The following DNAH1 variants were observed in gnomAD, a reference collection of about 807,000 sequenced individuals.
DNAH1 encodes dynein axonemal heavy chain 1, also known as axonemal beta dynein heavy chain 1.
In DNAH1, 327 loss-of-function variants were observed where a neutral mutation model predicts 484.3. The observed-to-expected ratio is 0.68, with a 90% CI of 0.62 to 0.74. The LOEUF is 0.74. Ranked by LOEUF, DNAH1 falls within the 30% of genes least tolerant of loss-of-function variation. The pLI, the probability that DNAH1 is intolerant of heterozygous loss-of-function variation, is 0.00. For missense variants in DNAH1, 5,052 were observed against 5,546.8 expected (o/e 0.91, Z 2.83); for synonymous variants, 2,192 against 2,191.9 (o/e 1.00, Z 0.00).
chr3:52,372,143 A>G, intron 42 of DNAH1, 57 bp downstream of exon 42: 1 of 1,609,916 alleles, frequency 6.2e-7, no homozygotes, highest in Non-Finnish European at 8.5e-7. Context: ...TTGGGGGTTG[A>G]CCAGCCTCCC....
chr3:52,364,507 C>A lies in DNAH1; in HGVS notation c.5245-131C>A, dbSNP rs952845439. On this transcript the variant is annotated intron_variant, in intron 32 of 77. Coordinates refer to ENST00000420323, the MANE Select transcript of DNAH1 (RefSeq NM_015512.5). The surrounding 1 kb of genome is among the most constrained non-coding windows in gnomAD (Gnocchi z 4.2). ...AGGCTGGGCATGTAGGTGGTCCCAG[C>A]AGGTCTGCAAGGGAAGTGCTATGAG... The A allele has an allele frequency of 2.9e-6, 3 of 1,017,548 alleles. No individual in the cohort carries two copies. Among genetic ancestry groups the A allele is most frequent in the Admixed American group, 3.9e-5 (2 of 51,736 alleles). 63.0% of individuals were successfully genotyped at this position (1,017,548 alleles called of 1,614,324 possible).
chr3:52,360,243 C>T, intron 27 of DNAH1, 68 bp from the exon 28 acceptor site: 6 of 1,528,500 alleles, frequency 3.9e-6, no homozygotes, highest in Admixed American at 3.5e-5. Flanking sequence ...ACCCTCTCTC[C>T]TTGACTATAT....
intron 6 of DNAH1, among the ~76,000 whole-genome samples, chr3:52,329,806 C>T (rs960473756): frequency 6.7e-6 from 1 of 148,246 alleles, no homozygotes; most frequent in Non-Finnish European, 1.5e-5. Flanking sequence ...GCCTGGGCAA[C>T]AGAGTGAGAC....
chr3:52,324,607 C>G (rs980722643), intron 3 of DNAH1, among the ~76,000 whole-genome samples: 1 of 152,102 alleles, frequency 6.6e-6, no homozygotes, highest in East Asian at 1.9e-4. Flanking sequence ...CTTCCTGCCG[C>G]TGTCCACACC....
In DNAH1 at chr3:52,396,543, G is replaced by A; in HGVS notation, c.11430+5G>A. 1.9e-6 allele frequency: 3 copies of A among 1,612,816 alleles called. No individual in the cohort carries two copies. The highest frequency in any genetic ancestry group is 1.7e-4 in the Middle Eastern group (1 of 6,060). Reference sequence around the variant, plus strand: ...TTCCTCAACTCCTGCCACAAGGTGAGGCACACTTGGTGCAGGCCTACCCTA... The same window carrying A: ...TTCCTCAACTCCTGCCACAAGGTGAAGCACACTTGGTGCAGGCCTACCCTA... On this transcript the variant is annotated splice_donor_5th_base_variant and intron_variant, in intron 71 of 77. Coordinates refer to ENST00000420323, the MANE Select transcript of DNAH1 (RefSeq NM_015512.5).
intron 75 of DNAH1, among the ~76,000 whole-genome samples, 192 bp downstream of exon 75, chr3:52,398,354 T>C (rs1704734012): frequency 1.3e-5 from 2 of 152,194 alleles, no homozygotes; most frequent in South Asian, 4.1e-4. Context: ...TGATCTCAGC[T>C]CACTGCAACC....
Position 52,352,706 on chromosome 3 carries a change from A to G in DNAH1, c.3026A>G (p.Asn1009Ser), listed in dbSNP as rs767567577. ...RERIFSLPITNYDKLSRMVKE... is the reference protein window; with the variant it reads ...RERIFSLPITSYDKLSRMVKE... ...CGCATCTTCAGCTTGCCCATCACCA[A>G]TGTAGGCCTCCTGCAGGCACCCTGC... Residue 1009 changes from asparagine to serine, a missense_variant and splice_region_variant, in exon 18 of 78, where the codon AAT becomes AGT. Physicochemically the swap from Asn to Ser is conservative, Grantham distance 46. This residue lies in a region of DNAH1 where 2,929 missense variants were observed against 3,409.4 expected (regional missense o/e 0.86). Coordinates refer to ENST00000420323, the MANE Select transcript of DNAH1 (RefSeq NM_015512.5). 25 of 1,608,326 alleles carry G rather than the reference A, an allele frequency of 1.6e-5. No individual in the cohort carries two copies. The highest frequency in any genetic ancestry group is 1.8e-5 in the Non-Finnish European group (21 of 1,176,004).
At chr3:52,347,776 A>G (rs952545483) in intron 11 of DNAH1, 48 bp from the exon 12 acceptor site, 18 of 1,503,912 alleles carry the variant, frequency 1.2e-5, no homozygotes, top group Non-Finnish European at 1.6e-5. Context: ...GCTCCTGCAC[A>G]CAGGCCTCCT....
chr3:52,341,429 A>G (rs892822607), intron 8 of DNAH1, among the ~76,000 whole-genome samples: 3 of 152,028 alleles, frequency 2.0e-5, no homozygotes, highest in Non-Finnish European at 4.4e-5. Flanking sequence ...ATATGGTTTT[A>G]GAAGTCTAGT....
At chr3:52,318,894 G>T (rs543624872) in intron 1 of DNAH1, among the ~76,000 whole-genome samples, 106 of 152,358 alleles carry the variant, frequency 7.0e-4, no homozygotes, top group Non-Finnish European at 1.4e-3. Flanking sequence ...GAACCCCGGG[G>T]TGTGAAATGG....
rs547912358 is a variant in DNAH1 at position 52,372,246 on chromosome 3, C to T, written c.6686C>T (p.Thr2229Ile). Residue 2229 changes from threonine (T) to isoleucine (I), a missense_variant, in exon 43 of 78, where the codon ACA (threonine) becomes ATA (isoleucine). Transcript: ENST00000420323. ...TGCCAGGTGCTGTGCATTGGGCCAA[C>T]AGGCACGGGGAAGACGCTCACCATC... ...NKKPVLCIGP[T>I]GTGKTLTISD... 5 of 1,613,946 alleles carry T rather than the reference C, an allele frequency of 3.1e-6. No individual in the cohort carries two copies. The African/African-American group carries it at 5.3e-5, about 17-fold the overall frequency.
Position 52,395,186 on chromosome 3 carries a change from TGA to T in DNAH1, c.10969-120_10969-119del, listed in dbSNP as rs1337491688. 1 of 1,493,100 alleles carries T rather than the reference TGA, an allele frequency of 6.7e-7. No homozygotes were observed. Among genetic ancestry groups the T allele is most frequent in the African/African-American group, 1.4e-5 (1 of 71,722 alleles). The allele number at this position is 1,493,100 out of a possible 1,614,324, so 92.5% of individuals were successfully genotyped here. On this transcript the variant is annotated intron_variant, in intron 68 of 77. Transcript: ENST00000420323. The surrounding 1 kb of genome is among the most constrained non-coding windows in gnomAD (Gnocchi z 4.4). The stretch of plus-strand genomic sequence containing the variant: ...ACCCCTGCTTGCTCCCTAAAGGCTC[TGA>T]GGTTCCAGCCCCCACCAGGAAGCCC...
intron 66 of DNAH1, among the ~76,000 whole-genome samples, chr3:52,393,829 G>A (rs754366762): frequency 1.3e-5 from 2 of 152,230 alleles, no homozygotes; most frequent in African/African-American, 2.4e-5. Context: ...AACCCAGAAG[G>A]TGGAGGTTGC....
Position 52,384,917 on chromosome 3 carries a change from C to T in DNAH1, c.8454C>T (p.Ile2818=), listed in dbSNP as rs763120294. ...TGCTTCATATTTTCTCCATCCTCAT[C>T]GGGCAGAAGAAACTGGAGCTGAAAA... ...LELLHIFSIL[I]GQKKLELKTA... Residue 2818 remains isoleucine, a synonymous_variant, in exon 53 of 78, where the codon ATC becomes ATT. Transcript: ENST00000420323. The T allele has an allele frequency of 3.7e-5, 59 of 1,613,608 alleles. No individual in the cohort carries two copies. The highest frequency in any genetic ancestry group is 3.3e-4 in the Middle Eastern group (2 of 6,058).
Position 52,322,740 on chromosome 3 carries a change from G to A in DNAH1, c.298G>A (p.Asp100Asn), listed in dbSNP as rs369361780. The A allele has an allele frequency of 2.5e-5, 40 of 1,610,678 alleles. No homozygotes were observed. The highest frequency in any genetic ancestry group is 2.0e-4 in the East Asian group (9 of 44,748). Residue 100 changes from aspartate (D) to asparagine (N), a missense_variant, in exon 2 of 78, where the codon GAC becomes AAC. Around this residue, in one of 4 missense-constraint regions of DNAH1, gnomAD observed 1,263 missense variants for 1,218.8 expected, o/e 1.04. Transcript: ENST00000420323. ...GATGAAGCAGCGTGGGTTCTACTCC[G>A]ACATCCTCAGCCCTGGAACCTTAGA... is the stretch of plus-strand genomic sequence containing the variant. The part of the protein sequence containing the change: ...PLMKQRGFYS[D>N]ILSPGTLDQL...
At chr3:52,320,380 C>T (rs943953059) in intron 1 of DNAH1, among the ~76,000 whole-genome samples, 5 of 152,230 alleles carry the variant, frequency 3.3e-5, no homozygotes, top group African/African-American at 1.2e-4. Flanking sequence ...GCCGGGCAGG[C>T]CCGACTGGCT....
intron 15 of DNAH1, 92 bp from the exon 16 acceptor site, chr3:52,350,416 C>A: frequency 8.1e-7 from 1 of 1,240,424 alleles, no homozygotes; most frequent in Admixed American, 1.9e-5. Context: ...GAGAGCAGCC[C>A]CTCTCTAGTA....
Position 52,362,726 on chromosome 3 carries a change from A to T in DNAH1, c.5094+225A>T, listed in dbSNP as rs1305569291. On this transcript the variant is annotated intron_variant, in intron 31 of 77. Coordinates refer to ENST00000420323, the MANE Select transcript of DNAH1 (RefSeq NM_015512.5). This position sits in a 1 kb window ranked among gnomAD's most constrained non-coding sequence, Gnocchi z 5.1. ...TGTGGTGTGGAGGGGGAATCTAATG[A>T]GACCTGTTCACCCTGGGCCTTCAGG... is the stretch of plus-strand genomic sequence containing the variant. 6.6e-6 allele frequency among the ~76,000 whole-genome samples: 1 copy of T among 152,190 alleles called. No homozygotes were observed. The highest frequency in any genetic ancestry group is 1.5e-5 in the Non-Finnish European group (1 of 68,022).
chr3:52,356,546 T>C (rs1702617010), intron 21 of DNAH1, 68 bp from the exon 22 acceptor site: 2 of 1,533,194 alleles, frequency 1.3e-6, no homozygotes, highest in Admixed American at 1.8e-5. Context: ...GTCCCAGTCA[T>C]TGGGACAAAC....
Sources: allele counts gnomAD v4.1 joint callset (sites outside exome capture counted in the v4.1 genomes callset), GRCh38; gene constraint gnomAD v4.1.1; regional missense constraint gnomAD v4.1.1; non-coding constraint Gnocchi (gnomAD v3.1); transcripts MANE v1.5; gene names NCBI Gene and HGNC (gene_info 2026-07-23, HGNC 2026-07-21).